The following HPGDS variants were observed in gnomAD, a reference collection of about 807,000 sequenced individuals.
HPGDS encodes hematopoietic prostaglandin D synthase.
HPGDS carries 26 observed loss-of-function variants against 23.1 expected under a neutral mutation model. The observed-to-expected ratio is 1.13, with a 90% confidence interval of 0.83 to 1.56. HPGDS has a LOEUF of 1.56. Ranked by LOEUF, HPGDS falls within the 40% of genes most tolerant of loss-of-function variation. The pLI, the probability that HPGDS is intolerant of heterozygous loss-of-function variation, is 0.00. For missense variants in HPGDS, 268 were observed against 236.4 expected (o/e 1.13, Z -0.88); for synonymous variants, 95 against 77.9 (o/e 1.22, Z -1.16).
intron 3 of HPGDS, among the ~76,000 whole-genome samples, chr4:94,315,788 G>A (rs549983221): frequency 3.2e-4 from 49 of 152,216 alleles, no homozygotes; most frequent in East Asian, 5.8e-4. Context: ...TTGATTATTC[G>A]TCTTTCTGAC....
At chr4:94,309,050 C>CTTTTTTTTTTTTT (rs34427506) in intron 3 of HPGDS, among the ~76,000 whole-genome samples, 3 of 31,014 alleles carry the variant, frequency 9.7e-5, no homozygotes, top group Non-Finnish European at 1.2e-4. Flanking sequence ...GGTGTACTTG[C>CTTTTTTTTTTTTT]TTTTTTTTTT....
At chr4:94,332,816 C>T (rs539801100) in intron 2 of HPGDS, among the ~76,000 whole-genome samples, 203 of 152,310 alleles carry the variant, frequency 1.3e-3, no homozygotes, top group Non-Finnish European at 2.0e-3. Flanking sequence ...GCCTTCTGCT[C>T]CTCAAGGTTT....
chr4:94,333,578 C>T (rs923433589), intron 2 of HPGDS, among the ~76,000 whole-genome samples: 1 of 152,148 alleles, frequency 6.6e-6, no homozygotes, highest in Non-Finnish European at 1.5e-5. Flanking sequence ...TTTTACATTG[C>T]GTCTTTGTCT....
chr4:94,300,725 G>GA (rs373133686), intron 5 of HPGDS, among the ~76,000 whole-genome samples: 65 of 146,948 alleles, frequency 4.4e-4, no homozygotes, highest in African/African-American at 7.0e-4. Context: ...TAGGGGTTAG[G>GA]AAAAAAAAAA....
At chr4:94,305,867 T>C (rs1756129664) in intron 4 of HPGDS, among the ~76,000 whole-genome samples, 1 of 152,088 alleles carries the variant, frequency 6.6e-6, no homozygotes, top group African/African-American at 2.4e-5. Context: ...GGCTATGGGA[T>C]CTAAATTCAG....
intron 1 of HPGDS, among the ~76,000 whole-genome samples, chr4:94,335,535 G>C (rs937756918): frequency 1.3e-5 from 2 of 152,064 alleles, no homozygotes; most frequent in Non-Finnish European, 2.9e-5. Context: ...TTTGAATTTG[G>C]GCTTTGGCCA....
At chr4:94,333,378 T>TC (rs1329796966) in intron 2 of HPGDS, among the ~76,000 whole-genome samples, 1 of 152,180 alleles carries the variant, frequency 6.6e-6, no homozygotes, top group Non-Finnish European at 1.5e-5. Flanking sequence ...AAGGGGTGTG[T>TC]CCCCTCCCTC....
Position 94,308,717 on chromosome 4 carries a change from G to C in HPGDS, c.253C>G (p.Gln85Glu), listed in dbSNP as rs1261340667. ...TDLAGNTEME[Q>E]CHVDAIVDTL... ...TCCACAATAGCATCAACATGACATT[G>C]TTCCATTTCTGTGTTTCCAGCCAAA... The change falls in exon 4 of 6, where the codon CAA (glutamine) becomes GAA (glutamate). Residue 85 changes from glutamine (Q) to glutamate (E), a missense_variant. Physicochemically the swap from Gln to Glu is conservative, Grantham distance 29 (BLOSUM62 2). Coordinates refer to ENST00000295256, the MANE Select transcript of HPGDS (RefSeq NM_014485.3). The C allele has an allele frequency of 6.2e-7, 1 of 1,604,032 alleles. No individual in the cohort carries two copies. Among genetic ancestry groups the C allele is most frequent in the Non-Finnish European group, 8.5e-7 (1 of 1,172,696 alleles).
At chr4:94,340,879 C>A in intron 1 of HPGDS, among the ~76,000 whole-genome samples, 1 of 114,694 alleles carries the variant, frequency 8.7e-6, no homozygotes, top group Non-Finnish European at 1.7e-5. Flanking sequence ...GAGTCTTGCT[C>A]TGTCGCCCAG....
intron 3 of HPGDS, among the ~76,000 whole-genome samples, chr4:94,311,564 A>G (rs1003105964): frequency 2.6e-5 from 4 of 151,396 alleles, no homozygotes; most frequent in East Asian, 1.9e-4. Flanking sequence ...GGATTTTCCA[A>G]TCGATGTTCA....
intron 5 of HPGDS, among the ~76,000 whole-genome samples, chr4:94,301,284 T>G (rs1756035775): frequency 6.6e-6 from 1 of 152,172 alleles, no homozygotes; most frequent in African/African-American, 2.4e-5. Context: ...CAGGTTTAGA[T>G]TTGAATTTTT....
chr4:94,312,146 T>C (rs1025871506), intron 3 of HPGDS, among the ~76,000 whole-genome samples: 2 of 152,168 alleles, frequency 1.3e-5, no homozygotes, highest in African/African-American at 4.8e-5. Flanking sequence ...CCTTCAGTTC[T>C]GCTCTGATTT....
At position 94,299,548 on chromosome 4, in the gene HPGDS, G is replaced by T. The variant is rs201939234; in HGVS notation, c.532C>A (p.Arg178=). 33 of 1,613,820 alleles carry T rather than the reference G, an allele frequency of 2.0e-5. No homozygotes were observed. Among genetic ancestry groups the T allele is most frequent in the African/African-American group, 2.7e-5 (2 of 74,844 alleles). The change falls in exon 6 of 6, where the codon CGG becomes AGG. Residue 178 remains arginine, a synonymous_variant. Transcript: ENST00000295256. ...GCAGGAATGGCTTGGACTTTCTTCC[G>T]TAAAGTCACCAGCCTTGGATGGTTG... The part of the protein sequence containing the change: ...LDNHPRLVTL[R]KKVQAIPAVA...
intron 2 of HPGDS, among the ~76,000 whole-genome samples, chr4:94,325,139 C>T (rs1756603419): frequency 6.6e-6 from 1 of 152,172 alleles, no homozygotes; most frequent in Non-Finnish European, 1.5e-5. Context: ...CTGCCTGATC[C>T]TTCCTCTGGA....
intron 3 of HPGDS, among the ~76,000 whole-genome samples, chr4:94,311,418 G>C (rs974498809): frequency 6.6e-6 from 1 of 151,202 alleles, no homozygotes; most frequent in East Asian, 1.9e-4. Flanking sequence ...GTCATCGGTT[G>C]TGTTTATATG....
At chr4:94,321,974 G>A (rs1173941799) in intron 2 of HPGDS, among the ~76,000 whole-genome samples, 1 of 152,174 alleles carries the variant, frequency 6.6e-6, no homozygotes, top group Middle Eastern at 3.2e-3. Flanking sequence ...TTAGCATGAA[G>A]GGCTGTTGAA....
chr4:94,299,698 A>C, intron 5 of HPGDS, 54 bp from the exon 6 acceptor site: 2 of 1,479,510 alleles, frequency 1.4e-6, no homozygotes, highest in Non-Finnish European at 1.8e-6. Context: ...TAGCTGTATC[A>C]GCATTCCAAA....
chr4:94,324,069 A>T (rs1449876802), intron 2 of HPGDS, among the ~76,000 whole-genome samples: 1 of 152,166 alleles, frequency 6.6e-6, no homozygotes, highest in African/African-American at 2.4e-5. Flanking sequence ...GTTTTATTTA[A>T]GCATGTTGAA....
At chr4:94,323,211 G>C (rs1455910113) in intron 2 of HPGDS, among the ~76,000 whole-genome samples, 1 of 152,110 alleles carries the variant, frequency 6.6e-6, no homozygotes, top group Non-Finnish European at 1.5e-5. Flanking sequence ...AATAAGTGTG[G>C]TGTGGTGCTG....
Sources: gnomAD v4.1 joint callset for allele counts (sites outside exome capture counted in the v4.1 genomes callset) on GRCh38, gnomAD v4.1.1 for gene constraint, MANE v1.5 for transcripts, NCBI Gene and HGNC (gene_info 2026-07-23, HGNC 2026-07-21) for gene names.